Variants in MTO1 observed in about 807,000 individuals in gnomAD.
MTO1 encodes mitochondrial tRNA translation optimization 1.
MTO1 carries 46 observed loss-of-function variants against 71.6 expected under a neutral mutation model. That is an observed-to-expected ratio of 0.64 (90% CI 0.51 to 0.82). MTO1 has a LOEUF of 0.82. Among genes scored for constraint, MTO1 ranks in the 40% least tolerant of loss-of-function variants. The probability of loss-of-function intolerance (pLI) is 0.00; values close to 1 mark genes in which losing one functional copy is unlikely to be tolerated. For missense variants in MTO1, 773 were observed against 867.5 expected (o/e 0.89, Z 1.37); for synonymous variants, 297 against 312.1 (o/e 0.95, Z 0.51).
intron 9 of MTO1, among the ~76,000 whole-genome samples, chr6:73,491,396 CA>C (rs1223217073): frequency 1.5e-3 from 202 of 133,610 alleles, no homozygotes; most frequent in Middle Eastern, 4.0e-3. Context: ...CCTGTCTCTA[CA>C]AAAAAAAAAA....
At chr6:73,478,152 G>A (rs910783358) in intron 4 of MTO1, among the ~76,000 whole-genome samples, 2 of 151,808 alleles carry the variant, frequency 1.3e-5, no homozygotes, top group Admixed American at 6.6e-5. Context: ...GGGAGGCTGA[G>A]GCAGAATTGC....
chr6:73,465,171 C>CT (rs926517154), intron 1 of MTO1, among the ~76,000 whole-genome samples: 56 of 145,892 alleles, frequency 3.8e-4, no homozygotes, highest in South Asian at 6.5e-4. Flanking sequence ...TTTTTCTTTT[C>CT]TTTTTTTTTT....
intron 4 of MTO1, 48 bp from the exon 5 acceptor site, chr6:73,479,684 A>G (rs1168358080): frequency 1.2e-5 from 18 of 1,443,260 alleles, no homozygotes; most frequent in Non-Finnish European, 1.7e-5. Flanking sequence ...ATAAGAGAGA[A>G]ACTAGTAGAT....
Position 73,507,839 on chromosome 6 carries a change from T to A in MTO1, c.*7104T>A, listed in dbSNP as rs889602806. On this transcript the variant is annotated 3_prime_UTR_variant, in exon 12 of 12. Coordinates refer to ENST00000498286, the MANE Select transcript of MTO1 (RefSeq NM_012123.4). The stretch of plus-strand genomic sequence containing the variant: ...AAAAATACGAAAAATTAGCCGGGTG[T>A]GGTGGTGCGCGCCTGTAGTCCCAGC... 8 of 151,940 alleles carry A rather than the reference T, an allele frequency of 5.3e-5. No individual in the cohort carries two copies. Among genetic ancestry groups the A allele is most frequent in the Non-Finnish European group, 1.2e-4 (8 of 67,994 alleles). The allele number at this position is 151,940 out of a possible 1,614,324, so 9.4% of individuals were successfully genotyped here.
chr6:73,473,620 C>T lies in MTO1; in HGVS notation c.791C>T (p.Pro264Leu), dbSNP rs1025884753. ...CATATACCGGACAATCCATCCATAC[C>T]ATTCAGCTTTACCAATGAGACAGTA... is the stretch of plus-strand genomic sequence containing the variant. Reference protein sequence around the residue: ...NKHIPDNPSIPFSFTNETVWI... With the variant: ...NKHIPDNPSILFSFTNETVWI... Residue 264 changes from proline (P) to leucine (L), a missense_variant, in exon 4 of 12, where the codon CCA becomes CTA. Coordinates refer to ENST00000498286, the MANE Select transcript of MTO1 (RefSeq NM_012123.4). 7 of 1,613,536 alleles carry T rather than the reference C, an allele frequency of 4.3e-6. No individual in the cohort carries two copies. The highest frequency in any genetic ancestry group is 5.9e-6 in the Non-Finnish European group (7 of 1,179,786).
At chr6:73,473,879 T>G (rs1295677258) in intron 4 of MTO1, among the ~76,000 whole-genome samples, 4 of 151,360 alleles carry the variant, frequency 2.6e-5, no homozygotes, top group Non-Finnish European at 4.4e-5. Flanking sequence ...CTTGACCTCC[T>G]GGGCTCAAGT....
intron 10 of MTO1, among the ~76,000 whole-genome samples, chr6:73,493,357 T>TGC (rs992045297): frequency 9.5e-6 from 1 of 105,050 alleles, no homozygotes; most frequent in Non-Finnish European, 1.8e-5. Flanking sequence ...TGCATGTATG[T>TGC]GTGTGTGTGT....
At chr6:73,472,976 A>G (rs1009230693) in intron 3 of MTO1, among the ~76,000 whole-genome samples, 21 of 152,198 alleles carry the variant, frequency 1.4e-4, no homozygotes, top group Admixed American at 2.6e-4. Flanking sequence ...CATGGTAACA[A>G]TTTAAAAAAT....
Position 73,461,810 on chromosome 6 carries a change from C to G in MTO1, c.-45C>G. 6.3e-7 allele frequency: 1 copy of G among 1,582,542 alleles called. No homozygotes were observed. The highest frequency in any genetic ancestry group is 2.3e-5 in the East Asian group (1 of 44,310). On this transcript the variant is annotated 5_prime_UTR_variant, in exon 1 of 12. Transcript: ENST00000498286. ...CTCTTGTTGCGTAAGTTTTTTTGAC[C>G]GTCACTCGTGTCAGCTTCAAAGTCA...
At chr6:73,472,155 A>G (rs915422367) in intron 3 of MTO1, among the ~76,000 whole-genome samples, 1 of 152,146 alleles carries the variant, frequency 6.6e-6, no homozygotes, top group Non-Finnish European at 1.5e-5. Flanking sequence ...TCATTGATAT[A>G]TCTTCTCTTC....
chr6:73,496,478 CT>C (rs1010482130), intron 10 of MTO1, among the ~76,000 whole-genome samples: 18 of 146,644 alleles, frequency 1.2e-4, no homozygotes, highest in South Asian at 1.1e-3. Flanking sequence ...TTTTTTTTTT[CT>C]TTTTTTTAAT....
chr6:73,498,895 T>G (rs1286911754), intron 11 of MTO1, among the ~76,000 whole-genome samples: 1 of 152,040 alleles, frequency 6.6e-6, no homozygotes, highest in Non-Finnish European at 1.5e-5. Context: ...CAGCTAATTT[T>G]TTTTTGTACT....
intron 9 of MTO1, among the ~76,000 whole-genome samples, chr6:73,487,268 C>T (rs1771679589): frequency 6.9e-6 from 1 of 144,924 alleles, no homozygotes; most frequent in South Asian, 2.2e-4. Context: ...TTTCTGCTCA[C>T]TGCAACCTTC....
intron 4 of MTO1, among the ~76,000 whole-genome samples, chr6:73,476,212 A>T (rs952316793): frequency 1.3e-5 from 2 of 151,598 alleles, no homozygotes; most frequent in African/African-American, 2.4e-5. Flanking sequence ...AAAATAAAAA[A>T]AAAATAAAAA....
At chr6:73,478,027 G>C (rs1363146013) in intron 4 of MTO1, among the ~76,000 whole-genome samples, 2 of 151,912 alleles carry the variant, frequency 1.3e-5, no homozygotes, top group East Asian at 2.0e-4. Flanking sequence ...AAGGCAGGTG[G>C]ATCACAAGGT....
intron 11 of MTO1, 139 bp from the exon 12 acceptor site, chr6:73,500,433 AAT>A: frequency 1.6e-6 from 1 of 628,254 alleles, no homozygotes; most frequent in Non-Finnish European, 2.4e-6. Context: ...TTTACAAGGA[AAT>A]ATGTTAAGAT....
At chr6:73,483,723 A>AT (rs1363123251) in intron 9 of MTO1, among the ~76,000 whole-genome samples, 1 of 150,048 alleles carries the variant, frequency 6.7e-6, no homozygotes, top group Non-Finnish European at 1.5e-5. Flanking sequence ...GGTTCAAGTG[A>AT]TTCTCCTGCC....
At chr6:73,490,259 A>G (rs897062097) in intron 9 of MTO1, among the ~76,000 whole-genome samples, 2 of 152,084 alleles carry the variant, frequency 1.3e-5, no homozygotes, top group South Asian at 4.1e-4. Context: ...CTCTGATGGT[A>G]GTTTCTTTTG....
chr6:73,462,166 C>A, intron 1 of MTO1, 95 bp downstream of exon 1: 2 of 1,333,420 alleles, frequency 1.5e-6, no homozygotes, highest in Non-Finnish European at 2.1e-6. Context: ...TTCCTTTCCT[C>A]AAAGCTAGTG....
Sources: gnomAD v4.1 joint callset for allele counts (sites outside exome capture counted in the v4.1 genomes callset) on GRCh38, gnomAD v4.1.1 for gene constraint, MANE v1.5 for transcripts, NCBI Gene and HGNC (gene_info 2026-07-23, HGNC 2026-07-21) for gene names.